GFPT1: variants seen among roughly 807,000 people sequenced by gnomAD.
GFPT1 encodes the protein glutamine--fructose-6-phosphate aminotransferase [isomerizing] 1.
In GFPT1, 40 loss-of-function variants were observed where a neutral mutation model predicts 92.0. That is an observed-to-expected ratio of 0.43 (90% CI 0.34 to 0.57). The LOEUF (loss-of-function observed/expected upper bound fraction) is 0.57, where lower values mean the gene tolerates loss of function less well. Among genes scored for constraint, GFPT1 ranks in the 20% least tolerant of loss-of-function variants. The pLI is 0.02. For synonymous variants in GFPT1, 269 were observed against 280.6 expected, an observed-to-expected ratio of 0.96 and a Z score of 0.41; for missense variants, 448 against 869.1, an observed-to-expected ratio of 0.52 and a Z score of 6.09.
At chr2:69,339,619 C>T (rs552661125) in intron 13 of GFPT1, among the ~76,000 whole-genome samples, 7 of 152,322 alleles carry the variant, frequency 4.6e-5, no homozygotes, top group African/African-American at 1.7e-4. Flanking sequence ...TTTCACCAGC[C>T]TCTTCAGGCA....
intron 13 of GFPT1, among the ~76,000 whole-genome samples, chr2:69,341,052 G>A (rs925468978): frequency 6.6e-6 from 1 of 151,474 alleles, no homozygotes; most frequent in Non-Finnish European, 1.5e-5. Context: ...CTCACCTTCT[G>A]GACTCAAGCG....
chr2:69,326,151 T>A lies in GFPT1; in HGVS notation c.*38A>T, dbSNP rs1393641115. 4 of 1,384,766 alleles carry A rather than the reference T, an allele frequency of 2.9e-6. No homozygotes were observed. The highest frequency in any genetic ancestry group is 3.4e-5 in the Admixed American group (2 of 59,412). The allele number at this position is 1,384,766 out of a possible 1,614,324, so 85.8% of individuals were successfully genotyped here. ...AAATACAAAAGGTGTCTTGTGTTGC[T>A]TAATCATACAGTTTCGTACATTTTG... On this transcript the variant is annotated 3_prime_UTR_variant, in exon 20 of 20. Coordinates refer to ENST00000357308, the MANE Select transcript of GFPT1 (RefSeq NM_001244710.2).
chr2:69,387,015 C>T, intron 1 of GFPT1, 50 bp downstream of exon 1: 1 of 1,392,714 alleles, frequency 7.2e-7, no homozygotes, highest in Non-Finnish European at 9.8e-7. Context: ...GCACCCGCAC[C>T]GCACCCCAGC....
intron 4 of GFPT1, among the ~76,000 whole-genome samples, chr2:69,359,782 C>T (rs1474951754): frequency 6.6e-6 from 1 of 152,128 alleles, no homozygotes; most frequent in East Asian, 1.9e-4. Flanking sequence ...CTGATTTACA[C>T]TAAATGAATT....
At chr2:69,336,764 C>A (rs545981365) in intron 15 of GFPT1, among the ~76,000 whole-genome samples, 6 of 152,124 alleles carry the variant, frequency 3.9e-5, no homozygotes, top group Admixed American at 3.9e-4. Flanking sequence ...CACTCCAGCC[C>A]CAGCCTGGGT....
intron 9 of GFPT1, among the ~76,000 whole-genome samples, chr2:69,352,132 G>A (rs1259392436): frequency 6.6e-6 from 1 of 151,952 alleles, no homozygotes; most frequent in African/African-American, 2.4e-5. Flanking sequence ...GAGTGGTAGA[G>A]TACACCTGTA....
intron 13 of GFPT1, among the ~76,000 whole-genome samples, chr2:69,338,802 CTTTT>C (rs58220809): frequency 7.6e-6 from 1 of 131,796 alleles, no homozygotes; most frequent in Admixed American, 8.0e-5. Context: ...GTATACATTC[CTTTT>C]TTTTTTTTTT....
At chr2:69,370,254 T>C (rs1016170283) in intron 2 of GFPT1, 146 bp from the exon 3 acceptor site, 2 of 661,654 alleles carry the variant, frequency 3.0e-6, no homozygotes, top group African/African-American at 1.8e-5. Context: ...TGAAAACCTA[T>C]TGTGTGTCAA....
chr2:69,349,012 C>T (rs76338711), intron 10 of GFPT1, among the ~76,000 whole-genome samples: 4,186 of 152,184 alleles, frequency 0.028, 190 homozygotes, highest in East Asian at 0.18. Flanking sequence ...CCTCCCTCTA[C>T]CTGTTAACCT....
chr2:69,352,612 CAAAAAAA>C (rs748958210), intron 9 of GFPT1, among the ~76,000 whole-genome samples: 1 of 47,378 alleles, frequency 2.1e-5, no homozygotes, highest in Non-Finnish European at 3.8e-5. Flanking sequence ...GACTTCGTCT[CAAAAAAA>C]AAAAAAAAAA....
intron 15 of GFPT1, among the ~76,000 whole-genome samples, chr2:69,331,910 A>AT (rs1216003950): frequency 6.6e-6 from 1 of 152,124 alleles, no homozygotes; most frequent in Non-Finnish European, 1.5e-5. Context: ...TGTCTCAAAT[A>AT]TTTTTTCTCA....
chr2:69,331,247 G>A (rs1375434709), intron 15 of GFPT1, among the ~76,000 whole-genome samples: 3 of 152,170 alleles, frequency 2.0e-5, no homozygotes, highest in East Asian at 1.9e-4. Flanking sequence ...CTAAAGCTAA[G>A]CTTTTTTTTC....
intron 4 of GFPT1, among the ~76,000 whole-genome samples, chr2:69,360,706 CAGACATG>C (rs1671452482): frequency 6.6e-6 from 1 of 152,120 alleles, no homozygotes; most frequent in African/African-American, 2.4e-5. Flanking sequence ...CTTGAGATTA[CAGACATG>C]AGCCACTATG....
At chr2:69,345,775 G>T in intron 12 of GFPT1, 129 bp downstream of exon 12, 1 of 665,848 alleles carries the variant, frequency 1.5e-6, no homozygotes, top group South Asian at 1.7e-5. Context: ...CAAGATGGCT[G>T]GGCTCCACTG....
At chr2:69,357,538 G>A (rs926183725) in intron 6 of GFPT1, among the ~76,000 whole-genome samples, 6 of 152,198 alleles carry the variant, frequency 3.9e-5, no homozygotes, top group Non-Finnish European at 8.8e-5. Flanking sequence ...CTGCCTTGGG[G>A]AAAGGGAAGG....
intron 12 of GFPT1, among the ~76,000 whole-genome samples, chr2:69,342,866 ACT>A (rs1670985398): frequency 6.6e-6 from 1 of 151,868 alleles, no homozygotes; most frequent in Non-Finnish European, 1.5e-5. Context: ...ACATAAACCC[ACT>A]CTCCTCTCAG....
At chr2:69,381,965 G>T (rs1179215270) in intron 1 of GFPT1, among the ~76,000 whole-genome samples, 1 of 151,484 alleles carries the variant, frequency 6.6e-6, no homozygotes, top group Non-Finnish European at 1.5e-5. Context: ...CCAGGTCCAA[G>T]CACTTCTCCT....
Position 69,356,481 on chromosome 2 carries a change from T to C in GFPT1, c.605+15A>G, listed in dbSNP as rs753322710. On this transcript the variant is annotated intron_variant, in intron 7 of 19. Transcript: ENST00000357308. Reference sequence around the variant, plus strand: ...TATGTTGAAATACATTAGTCATTGTTAGAGTTATATGTACCTTGTGCCAAC... The same window carrying C: ...TATGTTGAAATACATTAGTCATTGTCAGAGTTATATGTACCTTGTGCCAAC... 1.9e-6 allele frequency: 3 copies of C among 1,574,478 alleles called. No individual in the cohort carries two copies. Among genetic ancestry groups the C allele is most frequent in the East Asian group, 4.5e-5 (2 of 44,684 alleles).
chr2:69,384,693 C>CAA (rs71964630), intron 1 of GFPT1, among the ~76,000 whole-genome samples: 23 of 106,616 alleles, frequency 2.2e-4, no homozygotes, highest in Admixed American at 8.3e-4. Context: ...GGCCCCGTCA[C>CAA]AAAAAAAAAA....
Sources: gnomAD v4.1 joint callset for allele counts (sites outside exome capture counted in the v4.1 genomes callset) on GRCh38, gnomAD v4.1.1 for gene constraint, MANE v1.5 for transcripts, NCBI Gene and HGNC (gene_info 2026-07-23, HGNC 2026-07-21) for gene names.